LBR: variants seen among roughly 807,000 people sequenced by gnomAD.
LBR encodes delta(14)-sterol reductase LBR.
A neutral mutation model predicts 74.3 loss-of-function variants in LBR; 28 were observed. The observed-to-expected ratio is 0.38, with a 90% CI of 0.28 to 0.52. The LOEUF is 0.52. Among genes scored for constraint, LBR ranks in the 20% least tolerant of loss-of-function variants. The probability of loss-of-function intolerance (pLI) is 0.89; values close to 1 mark genes in which losing one functional copy is unlikely to be tolerated. For missense variants in LBR, 717 were observed against 760.3 expected (o/e 0.94, Z 0.67); for synonymous variants, 228 against 269.3 (o/e 0.85, Z 1.50).
Position 225,403,684 on chromosome 1 carries a change from C to A in LBR, c.1688-221G>T, listed in dbSNP as rs111253300. On this transcript the variant is annotated intron_variant, in intron 13 of 13. Transcript: ENST00000272163. Reference sequence around the variant, plus strand: ...TCAAAGACTGATGAATCCATTCTAACAATCCATCACAATCAAAACATCTGT... The same window carrying A: ...TCAAAGACTGATGAATCCATTCTAAAAATCCATCACAATCAAAACATCTGT... 2.1e-3 allele frequency among the ~76,000 whole-genome samples: 322 copies of A among 152,316 alleles called. 1 individual carries two copies. The highest frequency in any genetic ancestry group is 7.3e-3 in the African/African-American group (305 of 41,574).
intron 11 of LBR, 32 bp downstream of exon 11, chr1:225,406,632 T>A: frequency 6.3e-7 from 1 of 1,580,194 alleles, no homozygotes; most frequent in Non-Finnish European, 8.7e-7. Context: ...TAATATTTAA[T>A]AAATTAAACT....
intron 10 of LBR, among the ~76,000 whole-genome samples, chr1:225,408,762 C>T (rs896884131): frequency 1.3e-5 from 2 of 152,236 alleles, no homozygotes; most frequent in Admixed American, 6.5e-5. Flanking sequence ...ACCCCTGGGG[C>T]TATGTTAATA....
chr1:225,406,675 A>G lies in LBR; in HGVS notation c.1472T>C (p.Ile491Thr). 6.2e-7 allele frequency: 1 copy of G among 1,611,430 alleles called. No individual in the cohort carries two copies. Among genetic ancestry groups the G allele is most frequent in the South Asian group, 1.1e-5 (1 of 90,284 alleles). ...AAATTAATACTCACGTTTCAGAACA[A>G]TAATTAGAGAAGCCATTGGCCAAGA... is the stretch of plus-strand genomic sequence containing the variant. Reference protein sequence around the residue: ...EVSWPMASLIIVLKLCGYVIF... With the variant: ...EVSWPMASLITVLKLCGYVIF... The change falls in exon 11 of 14, where the codon ATT (isoleucine) becomes ACT (threonine). Residue 491 changes from isoleucine (I) to threonine (T), a missense_variant. Ile to Thr is a moderately conservative substitution (Grantham distance 89). Coordinates refer to ENST00000272163, the MANE Select transcript of LBR (RefSeq NM_002296.4).
chr1:225,415,225 T>C (rs1231316195), intron 7 of LBR, 53 bp downstream of exon 7: 1 of 1,183,918 alleles, frequency 8.4e-7, no homozygotes, highest in African/African-American at 1.5e-5. Context: ...GTTTAACACT[T>C]AGAAGTTTAA....
intron 10 of LBR, among the ~76,000 whole-genome samples, chr1:225,407,767 T>C (rs2096095482): frequency 6.6e-6 from 1 of 152,096 alleles, no homozygotes; most frequent in African/African-American, 2.4e-5. Context: ...AAATAGCATT[T>C]TTTTCCAGAA....
upstream of LBR, among the ~76,000 whole-genome samples, chr1:225,428,458 C>G (rs77908374): frequency 2.5e-4 from 38 of 152,274 alleles, no homozygotes; most frequent in East Asian, 6.0e-3. Context: ...ACAAAGAAAA[C>G]TAATACATTC....
At chr1:225,410,144 A>C in intron 10 of LBR, 147 bp downstream of exon 10, 1 of 1,185,520 alleles carries the variant, frequency 8.4e-7, no homozygotes, top group Non-Finnish European at 1.2e-6. Context: ...CGTCAGCTTC[A>C]CATGGATGGC....
At chr1:225,423,172 G>T (rs1018667715) in intron 2 of LBR, among the ~76,000 whole-genome samples, 1 of 152,146 alleles carries the variant, frequency 6.6e-6, no homozygotes, top group East Asian at 1.9e-4. Context: ...CATATCTATC[G>T]AATCTGATAG....
chr1:225,414,119 G>T (rs187101184), intron 7 of LBR: 1 of 456,736 alleles, frequency 2.2e-6, no homozygotes, highest in South Asian at 1.5e-5. Flanking sequence ...CATCAGCAAA[G>T]AATTTGGTAA....
rs200180113 is a variant in LBR, at chr1:225,411,411, G to A, written c.1114C>T (p.Arg372Cys). 394 of 1,613,772 alleles carry A rather than the reference G, an allele frequency of 2.4e-4. 2 individuals carry two copies. Among genetic ancestry groups the A allele is most frequent in the Middle Eastern group, 6.6e-4 (4 of 6,060 alleles). The part of the protein sequence containing the change: ...GNAVYDFFIG[R>C]ELNPRIGTFD... Reference sequence around the variant, plus strand: ...GTACCAATTCGAGGGTTTAATTCACGGCCAATGAAGAAATCATAGACAGCA... The same window carrying A: ...GTACCAATTCGAGGGTTTAATTCACAGCCAATGAAGAAATCATAGACAGCA... Residue 372 changes from arginine to cysteine, a missense_variant, in exon 9 of 14, where the codon CGT becomes TGT. Arg to Cys is a radical substitution (Grantham distance 180). Transcript: ENST00000272163.
At position 225,421,857 on chromosome 1, in the gene LBR, C is replaced by G. The variant is rs529030478; in HGVS notation, c.366+220G>C. 2.0e-5 allele frequency among the ~76,000 whole-genome samples: 3 copies of G among 152,290 alleles called. No homozygotes were observed. The East Asian group carries it at 5.8e-4, about 29-fold the overall frequency. ...AATTTGAACGCTGCTTTTTTAAAAA[C>G]TAAAATATTAAATAGCATTTCTGGT... On this transcript the variant is annotated intron_variant, in intron 3 of 13. Transcript: ENST00000272163.
At chr1:225,414,081 A>G (rs1387811689) in intron 7 of LBR, 1 of 456,640 alleles carries the variant, frequency 2.2e-6, no homozygotes, top group Admixed American at 2.3e-5. Flanking sequence ...AGAGGGAGGG[A>G]GGGTGCCAAA....
chr1:225,419,866 A>G (rs1320737714), intron 3 of LBR, 68 bp from the exon 4 acceptor site: 2 of 1,142,458 alleles, frequency 1.8e-6, no homozygotes, highest in Non-Finnish European at 1.3e-6. Context: ...ATGATGGTAA[A>G]AACTTACTGT....
chr1:225,421,448 G>A (rs1223742114), intron 3 of LBR, among the ~76,000 whole-genome samples: 2 of 152,260 alleles, frequency 1.3e-5, no homozygotes, highest in Admixed American at 6.5e-5. Flanking sequence ...AGCTGAGATT[G>A]CGCCACTGCG....
At chr1:225,403,585 G>A in intron 13 of LBR, 122 bp from the exon 14 acceptor site, 2 of 744,430 alleles carry the variant, frequency 2.7e-6, no homozygotes, top group Non-Finnish European at 4.5e-6. Context: ...CTCTAATAAT[G>A]ATGAGAATAA....
At chr1:225,404,010 C>T (rs952888812) in intron 13 of LBR, among the ~76,000 whole-genome samples, 14 of 151,922 alleles carry the variant, frequency 9.2e-5, no homozygotes, top group Admixed American at 3.3e-4. Context: ...CCCTGCTCCC[C>T]TGCTTTCCCA....
chr1:225,423,856 AGAGTT>A lies in LBR; in HGVS notation c.165+50_165+54del, dbSNP rs2096133413. The A allele has an allele frequency of 6.0e-6, 9 of 1,505,056 alleles. No homozygotes were observed. The South Asian group carries it at 6.7e-5, about 11-fold the overall frequency. The allele number at this position is 1,505,056 out of a possible 1,614,324, so 93.2% of individuals were successfully genotyped here. Reference sequence around the variant, plus strand: ...TATCCTGAGCTTAGAAACCATACTTAGAGTTATTTCCCACTTACTGTAAACACACT... The same window carrying A: ...TATCCTGAGCTTAGAAACCATACTTAATTTCCCACTTACTGTAAACACACT... On this transcript the variant is annotated intron_variant, in intron 2 of 13. Transcript: ENST00000272163.
intron 3 of LBR, 144 bp downstream of exon 3, chr1:225,421,933 A>G: frequency 2.7e-6 from 2 of 740,890 alleles, no homozygotes. Flanking sequence ...TATTCCAAAC[A>G]TTTGTTTTAT....
At position 225,404,461 on chromosome 1, in the gene LBR, G is replaced by A. The variant is rs2096087302; in HGVS notation, c.1630C>T (p.Arg544Cys). Residue 544 changes from arginine to cysteine, a missense_variant, in exon 13 of 14, where the codon CGC becomes TGC. Transcript: ENST00000272163. Reference protein sequence around the residue: ...LLVSGWWGFVRHPNYLGDLIM... With the variant: ...LLVSGWWGFVCHPNYLGDLIM... ...AGATCACCCAAGTAATTGGGGTGGC[G>A]AACAAAGCCCCACCATCCAGAAACT... 7 of 1,614,012 alleles carry A rather than the reference G, an allele frequency of 4.3e-6. No homozygotes were observed. The highest frequency in any genetic ancestry group is 5.1e-6 in the Non-Finnish European group (6 of 1,179,958).
Sources: gnomAD v4.1 joint callset for allele counts (sites outside exome capture counted in the v4.1 genomes callset) on GRCh38, gnomAD v4.1.1 for gene constraint, MANE v1.5 for transcripts, NCBI Gene and HGNC (gene_info 2026-07-23, HGNC 2026-07-21) for gene names.